The following PARD3B variants were observed in gnomAD, a reference collection of about 807,000 sequenced individuals.
The protein encoded by PARD3B is partitioning defective 3 homolog B.
Under a neutral mutation model 130.2 loss-of-function variants are expected in PARD3B, and 103 were observed. That is an observed-to-expected ratio of 0.79 (90% confidence interval 0.67 to 0.93). The LOEUF (loss-of-function observed/expected upper bound fraction) is 0.93, where lower values mean the gene tolerates loss of function less well. Ranked by LOEUF, PARD3B falls within the 40% of genes least tolerant of loss-of-function variation. PARD3B has a pLI of 0.00. For synonymous variants in PARD3B, 583 were observed against 553.2 expected, an observed-to-expected ratio of 1.05 and a Z score of -0.76; for missense variants, 1,609 against 1,499.2, an observed-to-expected ratio of 1.07 and a Z score of -1.21.
Position 204,853,292 on chromosome 2 carries a change from A to G in PARD3B, c.223-111860A>G, listed in dbSNP as rs56001652. On this transcript the variant is annotated intron_variant, in intron 2 of 22. Transcript: ENST00000406610. ...ACAAGGAGAATTTTAGAATTAAAAT[A>G]GAGGACATCTCACTCACCTTAGGGA... Among the ~76,000 whole-genome samples, 653 of 152,346 alleles carry G rather than the reference A, an allele frequency of 4.3e-3. 3 individuals carry two copies. Among genetic ancestry groups the G allele is most frequent in the Non-Finnish European group, 5.8e-3 (396 of 68,022 alleles).
chr2:204,628,570 G>A (rs1348686644), intron 1 of PARD3B, among the ~76,000 whole-genome samples: 2 of 152,078 alleles, frequency 1.3e-5, no homozygotes, highest in Non-Finnish European at 1.5e-5. Flanking sequence ...TGACACATAA[G>A]CAATTATATT....
intron 4 of PARD3B, among the ~76,000 whole-genome samples, chr2:205,063,936 A>AT (rs1449166935): frequency 6.6e-6 from 1 of 152,002 alleles, no homozygotes; most frequent in Non-Finnish European, 1.5e-5. Flanking sequence ...AAATAAAAAA[A>AT]AACGCATATC....
intron 18 of PARD3B, among the ~76,000 whole-genome samples, chr2:205,363,492 C>T (rs940081283): frequency 6.6e-6 from 1 of 152,102 alleles, no homozygotes; most frequent in African/African-American, 2.4e-5. Context: ...AGTAAATCCT[C>T]AATAAATGTG....
At chr2:204,651,732 A>C (rs2035485673) in intron 1 of PARD3B, among the ~76,000 whole-genome samples, 1 of 152,198 alleles carries the variant, frequency 6.6e-6, no homozygotes, top group Admixed American at 6.5e-5. Flanking sequence ...GAGATTCTCC[A>C]TGAGGTTTCT....
rs1194908859 is a variant in PARD3B, at chr2:205,291,273, A to G, written c.2186-9257A>G. On this transcript the variant is annotated intron_variant, in intron 16 of 22. Transcript: ENST00000406610. The surrounding 1 kb of genome is among the most constrained non-coding windows in gnomAD (Gnocchi z 4.6). The stretch of plus-strand genomic sequence containing the variant: ...AACAGCAACGACAAAAAACACCAAC[A>G]CCACCAACACCACCATCACAAGAGG... Among the ~76,000 whole-genome samples the G allele has an allele frequency of 6.6e-6, 1 of 152,150 alleles. No individual in the cohort carries two copies. Among genetic ancestry groups the G allele is most frequent in the African/African-American group, 2.4e-5 (1 of 41,440 alleles).
chr2:204,893,085 G>A (rs1219695684), intron 2 of PARD3B, among the ~76,000 whole-genome samples: 1 of 152,132 alleles, frequency 6.6e-6, no homozygotes, highest in Non-Finnish European at 1.5e-5. Flanking sequence ...CAGTATCTAT[G>A]TGTCAGAGAA....
In PARD3B at chr2:205,473,556, C is replaced by T. The variant is rs1559126652; in HGVS notation, c.3045-26340C>T. On this transcript the variant is annotated intron_variant, in intron 20 of 22. Transcript: ENST00000406610. This position sits in a 1 kb window ranked among gnomAD's most constrained non-coding sequence, Gnocchi z 4.9. ...ACTCATTAATATGGGTGATATCTTA[C>T]ATTGTTGGAAAGAGCTGAAATAAAA... is the stretch of plus-strand genomic sequence containing the variant. Among the ~76,000 whole-genome samples, 1 of 151,340 alleles carries T rather than the reference C, an allele frequency of 6.6e-6. No homozygotes were observed. Among genetic ancestry groups the T allele is most frequent in the Non-Finnish European group, 1.5e-5 (1 of 67,792 alleles).
At position 204,712,627 on chromosome 2, in the gene PARD3B, C is replaced by G. The variant is rs4675473; in HGVS notation, c.222+26345C>G. Among the ~76,000 whole-genome samples the G allele has an allele frequency of 5.2e-5, 7 of 134,894 alleles. No homozygotes were observed. In the South Asian group the frequency reaches 1.1e-3, roughly 21 times the overall value. 88.5% of individuals were successfully genotyped at this position (134,894 alleles called of 152,430 possible). On this transcript the variant is annotated intron_variant, in intron 2 of 22. Transcript: ENST00000406610. ...AGACCCCATCTCAAAAAAAAAAAAACAAAAAAAAAAGTGAACAACAAAAAA... is the reference window on the plus strand; with the variant it reads ...AGACCCCATCTCAAAAAAAAAAAAAGAAAAAAAAAAGTGAACAACAAAAAA...
rs548232524 is a variant in PARD3B, at chr2:205,044,342, A to G, written c.395-3239A>G. 6.3e-3 allele frequency among the ~76,000 whole-genome samples: 930 copies of G among 147,984 alleles called. 11 individuals are homozygous for G. Among genetic ancestry groups the G allele is most frequent in the African/African-American group, 0.022 (897 of 40,024 alleles). On this transcript the variant is annotated intron_variant, in intron 3 of 22. Transcript: ENST00000406610. ...ACCCAGTAATGGGATGGCTGGGTCAAATGGTATTTCTAGTTCTAGATCCCT... is the reference window on the plus strand; with the variant it reads ...ACCCAGTAATGGGATGGCTGGGTCAGATGGTATTTCTAGTTCTAGATCCCT...
intron 21 of PARD3B, among the ~76,000 whole-genome samples, chr2:205,519,488 G>T (rs572750477): frequency 6.6e-6 from 1 of 152,244 alleles, no homozygotes; most frequent in African/African-American, 2.4e-5. Context: ...TCACTTTGTT[G>T]TGATTCTTAC....
intron 16 of PARD3B, chr2:205,293,552 C>T (rs1359825495): frequency 1.3e-5 from 2 of 152,018 alleles, no homozygotes; most frequent in East Asian, 1.9e-4. Context: ...TGGCAGAAAA[C>T]ATTAATATTA....
Position 205,616,233 on chromosome 2 carries a change from T to C in PARD3B, c.*420T>C. 5.9e-6 allele frequency: 1 copy of C among 169,676 alleles called. No homozygotes were observed. The highest frequency in any genetic ancestry group is 1.2e-5 in the Non-Finnish European group (1 of 80,222). 10.5% of individuals were successfully genotyped at this position (169,676 alleles called of 1,614,324 possible). Reference sequence around the variant, plus strand: ...CAGAGGCAGTCTCTGCCAGGCAGCATTACCCGCTCCGAGGTGGAGCCTCAG... The same window carrying C: ...CAGAGGCAGTCTCTGCCAGGCAGCACTACCCGCTCCGAGGTGGAGCCTCAG... On this transcript the variant is annotated 3_prime_UTR_variant, in exon 23 of 23. Transcript: ENST00000406610.
chr2:205,010,341 G>C (rs1171032916), intron 3 of PARD3B, among the ~76,000 whole-genome samples: 1 of 152,184 alleles, frequency 6.6e-6, no homozygotes, highest in African/African-American at 2.4e-5. Flanking sequence ...CTCTGTGCAT[G>C]AACTCCTCTT....
intron 1 of PARD3B, among the ~76,000 whole-genome samples, chr2:204,616,977 A>C (rs1419758455): frequency 6.6e-6 from 1 of 152,112 alleles, no homozygotes; most frequent in East Asian, 1.9e-4. Flanking sequence ...AACTATTTTT[A>C]TTTGGACTTT....
At chr2:205,555,465 A>G (rs1183341119) in intron 22 of PARD3B, among the ~76,000 whole-genome samples, 4 of 152,154 alleles carry the variant, frequency 2.6e-5, no homozygotes, top group African/African-American at 9.7e-5. Context: ...ACTCTTGTTT[A>G]TTTTCGCTAA....
intron 15 of PARD3B, among the ~76,000 whole-genome samples, chr2:205,224,370 CAAA>C (rs1231030778): frequency 1.4e-4 from 8 of 56,000 alleles, no homozygotes. Context: ...GACTCCGTCT[CAAA>C]AAAAAAAAAA....
intron 4 of PARD3B, among the ~76,000 whole-genome samples, chr2:205,100,123 A>G (rs578261683): frequency 2.6e-4 from 39 of 152,296 alleles, no homozygotes; most frequent in South Asian, 2.1e-3. Context: ...CTGGAACTAG[A>G]TGAAAAATTC....
At chr2:205,492,249 C>T (rs965664872) in intron 20 of PARD3B, among the ~76,000 whole-genome samples, 1 of 152,106 alleles carries the variant, frequency 6.6e-6, no homozygotes, top group Admixed American at 6.6e-5. Flanking sequence ...ACAGAAGAAG[C>T]CCTTAGAAAT....
chr2:205,099,929 C>A (rs1431943361), intron 4 of PARD3B, among the ~76,000 whole-genome samples: 1 of 152,034 alleles, frequency 6.6e-6, no homozygotes, highest in Non-Finnish European at 1.5e-5. Flanking sequence ...AATGTGTATT[C>A]TTTTTAAAGT....
Sources: allele counts gnomAD v4.1 joint callset (sites outside exome capture counted in the v4.1 genomes callset), GRCh38; gene constraint gnomAD v4.1.1; non-coding constraint Gnocchi (gnomAD v3.1); transcripts MANE v1.5; gene names NCBI Gene and HGNC (gene_info 2026-07-23, HGNC 2026-07-21).